Variants in GPM6A observed in about 807,000 individuals in gnomAD.
GPM6A encodes the protein neuronal membrane glycoprotein M6-a.
In GPM6A, 7 loss-of-function variants were observed where a neutral mutation model predicts 32.1. The ratio of observed to expected loss-of-function variants is 0.22; its 90% CI spans 0.12 to 0.41. The LOEUF (loss-of-function observed/expected upper bound fraction) is 0.41, where lower values mean the gene tolerates loss of function less well. Ranked by LOEUF, GPM6A falls within the 10% of genes least tolerant of loss-of-function variation. The pLI is 1.00. For missense variants in GPM6A, 235 were observed against 347.2 expected, an observed-to-expected ratio of 0.68 and a Z score of 2.57; for synonymous variants, 130 against 123.4, an observed-to-expected ratio of 1.05 and a Z score of -0.35.
chr4:175,776,778 A>G (rs1236881818), intron 1 of GPM6A, among the ~76,000 whole-genome samples: 1 of 152,202 alleles, frequency 6.6e-6, no homozygotes, highest in East Asian at 1.9e-4. Context: ...GTTACACTTT[A>G]ATATATACAA....
chr4:175,682,567 G>T (rs758800187), intron 2 of GPM6A, among the ~76,000 whole-genome samples: 7 of 152,170 alleles, frequency 4.6e-5, no homozygotes, highest in Non-Finnish European at 1.0e-4. Context: ...AGGCCCAGAG[G>T]CCTAGAAGGA....
chr4:176,000,230 AC>A (rs1204530258), intron 1 of GPM6A, among the ~76,000 whole-genome samples: 1 of 152,292 alleles, frequency 6.6e-6, no homozygotes, highest in African/African-American at 2.4e-5. Context: ...GTTTTTGGTG[AC>A]CTCAATTACA....
Position 175,863,231 on chromosome 4 carries a change from C to G in GPM6A, c.-22-50982G>C, listed in dbSNP as rs577389553. Among the ~76,000 whole-genome samples the G allele has an allele frequency of 4.2e-4, 64 of 152,194 alleles. 2 individuals carry two copies. The South Asian group carries it at 0.013, about 32-fold the overall frequency. On this transcript the variant is annotated intron_variant, in intron 1 of 7. Coordinates refer to the GPM6A transcript ENST00000280187. The stretch of plus-strand genomic sequence containing the variant: ...AAGTTTCCTCATGCCTCTTTGTGAT[C>G]CATAGTTTCCTCCATATCATACCCC...
At chr4:175,908,643 A>G (rs571535106) in intron 1 of GPM6A, among the ~76,000 whole-genome samples, 1 of 152,308 alleles carries the variant, frequency 6.6e-6, no homozygotes, top group East Asian at 1.9e-4. Context: ...AGCTGGTTCC[A>G]GCAAATAGAA....
Position 175,992,818 on chromosome 4 carries a change from C to T in GPM6A, c.-23+9491G>A, listed in dbSNP as rs367705944. Among the ~76,000 whole-genome samples, 66 of 152,190 alleles carry T rather than the reference C, an allele frequency of 4.3e-4. No homozygotes were observed. The South Asian group carries it at 0.011, about 24-fold the overall frequency. On this transcript the variant is annotated intron_variant, in intron 1 of 7. Coordinates refer to the GPM6A transcript ENST00000280187. ...AACAGATGCATTAACACCAACTTCACGAGACATACTGTATTATATCACAAT... is the reference window on the plus strand; with the variant it reads ...AACAGATGCATTAACACCAACTTCATGAGACATACTGTATTATATCACAAT...
chr4:175,822,814 G>A (rs1310461423), intron 1 of GPM6A, among the ~76,000 whole-genome samples: 2 of 152,046 alleles, frequency 1.3e-5, no homozygotes, highest in African/African-American at 2.4e-5. Flanking sequence ...TTGTCCTAGT[G>A]TTCTCCCTCC....
At chr4:175,934,700 ACT>A (rs1369522616) in intron 1 of GPM6A, among the ~76,000 whole-genome samples, 1 of 152,164 alleles carries the variant, frequency 6.6e-6, no homozygotes, top group Non-Finnish European at 1.5e-5. Flanking sequence ...GCTTTCAGAT[ACT>A]CTTTCACAGA....
At chr4:175,903,305 G>A (rs956374578) in intron 1 of GPM6A, among the ~76,000 whole-genome samples, 1 of 151,792 alleles carries the variant, frequency 6.6e-6, no homozygotes, top group African/African-American at 2.4e-5. Context: ...GAATCAATGA[G>A]TAAATTAATA....
intron 1 of GPM6A, among the ~76,000 whole-genome samples, chr4:175,743,970 A>C (rs2581753): frequency 0.31 from 46,479 of 151,182 alleles, 7,652 homozygotes; most frequent in East Asian, 0.65. Flanking sequence ...AAAAAAAAAA[A>C]AACAAAAGGT....
chr4:175,995,129 G>T lies in GPM6A; in HGVS notation c.-23+7180C>A, dbSNP rs184879925. On this transcript the variant is annotated intron_variant, in intron 1 of 7. Transcript: ENST00000280187. ...CCACTGAAGGCTTGAGCCCCTCAAG[G>T]TTATCCATGAAGACTGGAATCAATC... Among the ~76,000 whole-genome samples, 108 of 152,172 alleles carry T rather than the reference G, an allele frequency of 7.1e-4. 4 individuals carry two copies. The East Asian group carries it at 0.019, about 27-fold the overall frequency.
At chr4:175,917,885 ACT>A (rs879392798) in intron 1 of GPM6A, among the ~76,000 whole-genome samples, 6 of 152,148 alleles carry the variant, frequency 3.9e-5, no homozygotes, top group Non-Finnish European at 8.8e-5. Context: ...GAGATTATAT[ACT>A]ATTATAATAA....
chr4:175,743,140 T>C (rs1731955295), intron 1 of GPM6A, among the ~76,000 whole-genome samples: 1 of 150,090 alleles, frequency 6.7e-6, no homozygotes, highest in East Asian at 2.0e-4. Context: ...GAAGGGAAAA[T>C]GAAAATCCTC....
chr4:175,723,349 C>T (rs1746241164), intron 1 of GPM6A, among the ~76,000 whole-genome samples: 1 of 152,154 alleles, frequency 6.6e-6, no homozygotes, highest in South Asian at 2.1e-4. Context: ...AAAGTGAACA[C>T]CATTGTGTGT....
intron 2 of GPM6A, among the ~76,000 whole-genome samples, chr4:175,675,892 C>T (rs1743339622): frequency 6.6e-6 from 1 of 151,958 alleles, no homozygotes; most frequent in Non-Finnish European, 1.5e-5. Flanking sequence ...AACTCCTGGG[C>T]TCAAAGGGAT....
At chr4:175,649,762 C>T (rs1007650659) in intron 4 of GPM6A, among the ~76,000 whole-genome samples, 1 of 152,082 alleles carries the variant, frequency 6.6e-6, no homozygotes, top group Non-Finnish European at 1.5e-5. Flanking sequence ...TTAGTTAAAC[C>T]TGAATTTCAG....
intron 1 of GPM6A, among the ~76,000 whole-genome samples, chr4:175,800,507 C>A (rs1404762132): frequency 2.0e-5 from 3 of 152,116 alleles, no homozygotes; most frequent in Admixed American, 6.6e-5. Context: ...TCTTTCCCAG[C>A]CATCCCCACT....
At chr4:175,872,123 C>G (rs911562112) in intron 1 of GPM6A, among the ~76,000 whole-genome samples, 11 of 152,174 alleles carry the variant, frequency 7.2e-5, no homozygotes, top group Non-Finnish European at 1.2e-4. Context: ...GCCAAGCCAG[C>G]ATTTGAAATC....
intron 1 of GPM6A, among the ~76,000 whole-genome samples, chr4:175,853,348 A>T (rs1736318974): frequency 6.6e-6 from 1 of 152,080 alleles, no homozygotes; most frequent in Non-Finnish European, 1.5e-5. Flanking sequence ...TTTACAGGAA[A>T]GTACTAACAA....
intron 3 of GPM6A, among the ~76,000 whole-genome samples, chr4:175,655,920 T>C (rs1018370798): frequency 3.9e-5 from 6 of 152,074 alleles, no homozygotes; most frequent in African/African-American, 1.4e-4. Context: ...GAGGAGATAG[T>C]CTGATTTAAT....
Sources: allele counts gnomAD v4.1 joint callset (sites outside exome capture counted in the v4.1 genomes callset), GRCh38; gene constraint gnomAD v4.1.1; transcripts MANE v1.5; gene names NCBI Gene and HGNC (gene_info 2026-07-23, HGNC 2026-07-21).